Variants in ACSS3 observed in about 807,000 individuals in gnomAD.
ACSS3 encodes the protein acyl-CoA synthetase short-chain family member 3, mitochondrial.
A neutral mutation model predicts 84.2 loss-of-function variants in ACSS3; 64 were observed. That is an observed-to-expected ratio of 0.76 (90% CI 0.62 to 0.94). ACSS3 has a LOEUF of 0.94. Ranked by LOEUF, ACSS3 falls within the 40% of genes least tolerant of loss-of-function variation. The pLI is 0.00. For missense variants in ACSS3, 815 were observed against 867.6 expected (o/e 0.94, Z 0.76); for synonymous variants, 317 against 310.1 (o/e 1.02, Z -0.23).
chr12:81,133,289 A>G (rs947367026), intron 2 of ACSS3, among the ~76,000 whole-genome samples: 2 of 152,098 alleles, frequency 1.3e-5, no homozygotes, highest in Admixed American at 6.5e-5. Context: ...ATAAATAGAC[A>G]TGTGACCTAA....
chr12:81,233,614 C>T, intron 13 of ACSS3, 143 bp downstream of exon 13: 1 of 1,035,682 alleles, frequency 9.7e-7, no homozygotes, highest in Non-Finnish European at 1.4e-6. Flanking sequence ...ATCTCTCCCA[C>T]CTCACTTTCT....
intron 9 of ACSS3, among the ~76,000 whole-genome samples, chr12:81,206,923 A>G (rs1291291416): frequency 6.6e-6 from 1 of 152,162 alleles, no homozygotes; most frequent in Non-Finnish European, 1.5e-5. Context: ...TCTTTATAGC[A>G]TTATAATGTA....
rs11835889 is a variant in ACSS3 at position 81,214,704 on chromosome 12, T to C, written c.1355-2197T>C. Among the ~76,000 whole-genome samples, 894 of 152,324 alleles carry C rather than the reference T, an allele frequency of 5.9e-3. 10 individuals carry two copies. Among genetic ancestry groups the C allele is most frequent in the African/African-American group, 0.021 (853 of 41,572 alleles). ...TTTAAGACTAGGTTATACTCTCACC[T>C]TCTTTTCCTACATCCCCCTTCTCCC... On this transcript the variant is annotated intron_variant, in intron 9 of 15. Transcript: ENST00000548058.
rs1370909622 is a variant in ACSS3, at chr12:81,140,795, A to G, written c.780+1530A>G. 2.6e-5 allele frequency among the ~76,000 whole-genome samples: 4 copies of G among 152,348 alleles called. No individual in the cohort carries two copies. The East Asian group carries it at 7.7e-4, about 29-fold the overall frequency. On this transcript the variant is annotated intron_variant, in intron 4 of 15. Transcript: ENST00000548058. ...GCAGGAACACACACACAATGTATGC[A>G]TATGTGAGTATATGTGTGCTGTTTA...
chr12:81,188,323 A>C (rs2031383814), intron 8 of ACSS3, among the ~76,000 whole-genome samples: 1 of 152,052 alleles, frequency 6.6e-6, no homozygotes, highest in African/African-American at 2.4e-5. Context: ...ATGAAGTAGA[A>C]GTAATTTAAT....
intron 8 of ACSS3, among the ~76,000 whole-genome samples, chr12:81,175,629 A>G (rs1389098812): frequency 1.3e-5 from 2 of 151,812 alleles, no homozygotes; most frequent in Non-Finnish European, 2.9e-5. Flanking sequence ...AATTCTCAAC[A>G]AATTAAAAAA....
At chr12:81,253,970 G>C (rs2034229286) in intron 15 of ACSS3, among the ~76,000 whole-genome samples, 1 of 151,886 alleles carries the variant, frequency 6.6e-6, no homozygotes, top group Admixed American at 6.6e-5. Flanking sequence ...TATTACCCAG[G>C]CTGTAGTGCA....
At chr12:81,248,610 CAGTT>C (rs1264906428) in intron 13 of ACSS3, among the ~76,000 whole-genome samples, 3 of 151,790 alleles carry the variant, frequency 2.0e-5, no homozygotes, top group Non-Finnish European at 2.9e-5. Flanking sequence ...TACAAATAAA[CAGTT>C]AGATAGAAGG....
intron 11 of ACSS3, among the ~76,000 whole-genome samples, chr12:81,226,141 A>T (rs996151804): frequency 6.6e-6 from 1 of 151,900 alleles, no homozygotes; most frequent in Non-Finnish European, 1.5e-5. Context: ...TCATGAGAAA[A>T]CTCAAAACAT....
At chr12:81,110,941 C>A (rs185728774) in intron 2 of ACSS3, among the ~76,000 whole-genome samples, 9 of 152,160 alleles carry the variant, frequency 5.9e-5, no homozygotes, top group African/African-American at 2.2e-4. Flanking sequence ...TCTTTGAAAT[C>A]ATATTCTTTT....
chr12:81,180,057 A>T (rs142858195), intron 8 of ACSS3, among the ~76,000 whole-genome samples: 239 of 152,314 alleles, frequency 1.6e-3, no homozygotes, highest in African/African-American at 5.4e-3. Flanking sequence ...ACAGCCATAA[A>T]AAGAGTATCA....
intron 2 of ACSS3, among the ~76,000 whole-genome samples, chr12:81,119,632 C>T (rs748377600): frequency 1.4e-4 from 21 of 152,122 alleles, no homozygotes; most frequent in Non-Finnish European, 2.2e-4. Flanking sequence ...TCAGTGATAT[C>T]TTCCCTACTT....
chr12:81,125,692 C>A (rs115606898), intron 2 of ACSS3: 1 of 152,132 alleles, frequency 6.6e-6, no homozygotes, highest in African/African-American at 2.4e-5. Flanking sequence ...CCAGTGGCAA[C>A]GCTGGCTATT....
chr12:81,214,316 A>G (rs899042583), intron 9 of ACSS3, among the ~76,000 whole-genome samples: 2 of 152,046 alleles, frequency 1.3e-5, no homozygotes, highest in Admixed American at 6.5e-5. Context: ...ATGAGCCACT[A>G]CGCCCAGCCA....
At chr12:81,227,118 G>C (rs1328922148) in intron 11 of ACSS3, among the ~76,000 whole-genome samples, 4 of 151,780 alleles carry the variant, frequency 2.6e-5, no homozygotes, top group Non-Finnish European at 5.9e-5. Flanking sequence ...GAAGACCCAG[G>C]AAAAGTTGTA....
chr12:81,212,512 C>G (rs763595682), intron 9 of ACSS3, among the ~76,000 whole-genome samples: 4 of 149,394 alleles, frequency 2.7e-5, no homozygotes, highest in African/African-American at 1.0e-4. Context: ...CCATTCTTCT[C>G]CTTCTTTGAA....
chr12:81,208,798 G>A (rs2032458637), intron 9 of ACSS3, among the ~76,000 whole-genome samples: 1 of 152,096 alleles, frequency 6.6e-6, no homozygotes, highest in African/African-American at 2.4e-5. Flanking sequence ...CCTCCCGCAA[G>A]CTTTGCTCTG....
intron 9 of ACSS3, among the ~76,000 whole-genome samples, chr12:81,212,689 A>T (rs2032641229): frequency 6.6e-6 from 1 of 152,206 alleles, no homozygotes; most frequent in Non-Finnish European, 1.5e-5. Context: ...AGCATAATTC[A>T]TATTGGAAAA....
intron 11 of ACSS3, among the ~76,000 whole-genome samples, chr12:81,222,357 A>G (rs2033137746): frequency 6.6e-6 from 1 of 152,074 alleles, no homozygotes. Flanking sequence ...GTTACCACCA[A>G]GATTTCTCTC....
Sources: gnomAD v4.1 joint callset for allele counts (sites outside exome capture counted in the v4.1 genomes callset) on GRCh38, gnomAD v4.1.1 for gene constraint, MANE v1.5 for transcripts, NCBI Gene and HGNC (gene_info 2026-07-23, HGNC 2026-07-21) for gene names.